DEFB130A: variants seen among roughly 807,000 people sequenced by gnomAD.
DEFB130A encodes the protein defensin beta 130A.
intron 1 of DEFB130A, among the ~76,000 whole-genome samples, chr8:12,311,652 A>G (rs559581174): frequency 0.011 from 535 of 50,704 alleles, 188 homozygotes; most frequent in Non-Finnish European, 7.3e-3. Flanking sequence ...AATCCTTGAG[A>G]TTTTATCTAA....
Position 12,311,741 on chromosome 8 carries a change from G to GGATAGATA in DEFB130A, c.59-606_59-599dup, listed in dbSNP as rs1277347699. On this transcript the variant is annotated intron_variant, in intron 1 of 1. Coordinates refer to ENST00000400079, the MANE Select transcript of DEFB130A (RefSeq NM_001037804.1). ...ATACCTCATAGATAGGTGGAGGAAT[G>GGATAGATA]GATAGATAGATAGATAGATAGATAG... 4.8e-5 allele frequency among the ~76,000 whole-genome samples: 5 copies of GGATAGATA among 105,156 alleles called. 1 individual carries two copies. Among genetic ancestry groups the GGATAGATA allele is most frequent in the South Asian group, 3.6e-4 (1 of 2,750 alleles). 69.0% of individuals were successfully genotyped at this position (105,156 alleles called of 152,430 possible).
At position 12,318,194 on chromosome 8, in the gene DEFB130A, T is replaced by G. The variant is rs1809588387; in HGVS notation, c.58+65A>C. 3 of 121,824 alleles carry G rather than the reference T, an allele frequency of 2.5e-5. No homozygotes were observed. The East Asian group carries it at 1.0e-3, about 40-fold the overall frequency. 7.5% of individuals were successfully genotyped at this position (121,824 alleles called of 1,614,324 possible). A position where few individuals can be genotyped will look rare whatever the true frequency, so the allele number is the denominator to read the frequency against. ...TGAGTTCGGATGGCCACAGCATAAT[T>G]ATCTCAGTAGACCTCTTCCGGTCTA... On this transcript the variant is annotated intron_variant, in intron 1 of 1. Transcript: ENST00000400079.
At chr8:12,312,194 T>G (rs1188792714) in intron 1 of DEFB130A, among the ~76,000 whole-genome samples, 1 of 3,650 alleles carries the variant, frequency 2.7e-4, no homozygotes, top group African/African-American at 8.7e-4. Context: ...TAAACTAGGC[T>G]ATCATTATTG....
rs545797386 is a variant in DEFB130A at position 12,311,757 on chromosome 8, A to T, written c.59-614T>A. Among the ~76,000 whole-genome samples the T allele has an allele frequency of 1.0e-4, 11 of 110,218 alleles. 1 individual carries two copies. Among genetic ancestry groups the T allele is most frequent in the Admixed American group, 2.1e-4 (2 of 9,410 alleles). 72.3% of individuals were successfully genotyped at this position (110,218 alleles called of 152,430 possible). A position where few individuals can be genotyped will look rare whatever the true frequency, so the allele number is the denominator to read the frequency against. ...TGGAGGAATGGATAGATAGATAGAT[A>T]GATAGATAGATAGACAGACAGACAC... is the stretch of plus-strand genomic sequence containing the variant. On this transcript the variant is annotated intron_variant, in intron 1 of 1. Coordinates refer to ENST00000400079, the MANE Select transcript of DEFB130A (RefSeq NM_001037804.1).
At chr8:12,316,758 A>G (rs1809549274) in intron 1 of DEFB130A, among the ~76,000 whole-genome samples, 1 of 146,324 alleles carries the variant, frequency 6.8e-6, no homozygotes, top group African/African-American at 2.7e-5. Flanking sequence ...AATCAAAACC[A>G]CAATGAGAAC....
At chr8:12,311,917 A>C (rs1809460941) in intron 1 of DEFB130A, among the ~76,000 whole-genome samples, 1 of 82,408 alleles carries the variant, frequency 1.2e-5, no homozygotes, top group African/African-American at 3.5e-5. Context: ...TATGCTTACT[A>C]TCCTTTCTCT....
chr8:12,316,031 A>G (rs1809534457), intron 1 of DEFB130A, among the ~76,000 whole-genome samples: 1 of 50,840 alleles, frequency 2.0e-5, no homozygotes, highest in Non-Finnish European at 3.1e-5. Context: ...CTAAGCAAAA[A>G]GAGCAACACT....
chr8:12,311,801 A>T (rs1308178431), intron 1 of DEFB130A, among the ~76,000 whole-genome samples: 2 of 113,262 alleles, frequency 1.8e-5, no homozygotes. Context: ...AATTACTCAC[A>T]GAGCTAAAAG....
At chr8:12,311,756 T>A (rs1174589397) in intron 1 of DEFB130A, among the ~76,000 whole-genome samples, 4 of 109,568 alleles carry the variant, frequency 3.7e-5, no homozygotes, top group Non-Finnish European at 7.4e-5. Flanking sequence ...GATAGATAGA[T>A]AGATAGATAG....
At chr8:12,316,741 C>A (rs528383491) in intron 1 of DEFB130A, among the ~76,000 whole-genome samples, 2,094 of 141,542 alleles carry the variant, frequency 0.015, 114 homozygotes, top group African/African-American at 0.054. Flanking sequence ...ATCACTAGAG[C>A]AATGCAAATC....
intron 1 of DEFB130A, among the ~76,000 whole-genome samples, chr8:12,316,676 C>CA (rs1409284482): frequency 1.3e-5 from 1 of 78,190 alleles, no homozygotes; most frequent in African/African-American, 5.7e-5. Flanking sequence ...AGACTCTTCT[C>CA]AAAAAAAGAT....
chr8:12,315,625 T>C (rs1809522024), intron 1 of DEFB130A, among the ~76,000 whole-genome samples: 1 of 151,034 alleles, frequency 6.6e-6, no homozygotes, highest in African/African-American at 2.4e-5. Flanking sequence ...ACAACTTTAG[T>C]AAAGTTTCAG....
intron 1 of DEFB130A, 66 bp downstream of exon 1, chr8:12,318,189 ATAAT>A: frequency 8.5e-6 from 1 of 117,120 alleles, no homozygotes; most frequent in Non-Finnish European, 1.3e-5. Flanking sequence ...TGGCCACAGC[ATAAT>A]TATCTCAGTA....
intron 1 of DEFB130A, among the ~76,000 whole-genome samples, chr8:12,315,015 TCGTTTTTGTATG>T (rs1240034646): frequency 2.1e-5 from 3 of 140,222 alleles, no homozygotes; most frequent in African/African-American, 8.0e-5. Flanking sequence ...ATCAGAGTTA[TCGTTTTTGTATG>T]CATATCTCCA....
At chr8:12,316,746 C>G (rs988961907) in intron 1 of DEFB130A, among the ~76,000 whole-genome samples, 4 of 143,230 alleles carry the variant, frequency 2.8e-5, no homozygotes, top group African/African-American at 8.2e-5. Context: ...TAGAGCAATG[C>G]AAATCAAAAC....
chr8:12,315,007 CAG>C (rs2150810356), intron 1 of DEFB130A, among the ~76,000 whole-genome samples: 1 of 142,070 alleles, frequency 7.0e-6, no homozygotes, highest in East Asian at 2.2e-4. Context: ...TGGCAGAAAT[CAG>C]AGTTATCGTT....
intron 1 of DEFB130A, among the ~76,000 whole-genome samples, chr8:12,311,731 G>A (rs142533000): frequency 0.62 from 45,738 of 73,288 alleles, 16,720 homozygotes; most frequent in East Asian, 0.94. Context: ...TCATAGATAG[G>A]TGGAGGAATG....
intron 1 of DEFB130A, among the ~76,000 whole-genome samples, chr8:12,311,820 C>A (rs1286261840): frequency 1.8e-5 from 2 of 113,610 alleles, no homozygotes; most frequent in African/African-American, 6.2e-5. Context: ...AGGTATTTTC[C>A]CTTAAGTGTA....
chr8:12,312,085 T>C lies in DEFB130A; in HGVS notation c.59-942A>G, dbSNP rs999700276. Reference sequence around the variant, plus strand: ...TTATTTTGTTTTTACTGGCCTCTAATATACTACCTCTGGCTTCTTTGCTTC... The same window carrying C: ...TTATTTTGTTTTTACTGGCCTCTAACATACTACCTCTGGCTTCTTTGCTTC... On this transcript the variant is annotated intron_variant, in intron 1 of 1. Transcript: ENST00000400079. 6.9e-3 allele frequency among the ~76,000 whole-genome samples: 166 copies of C among 24,196 alleles called. 11 individuals carry two copies. The highest frequency in any genetic ancestry group is 0.022 in the African/African-American group (161 of 7,444). The allele number at this position is 24,196 out of a possible 152,430, so 15.9% of individuals were successfully genotyped here.
Sources: allele counts gnomAD v4.1 joint callset (sites outside exome capture counted in the v4.1 genomes callset), GRCh38; gene constraint gnomAD v4.1.1; transcripts MANE v1.5; gene names NCBI Gene and HGNC (gene_info 2026-07-23, HGNC 2026-07-21).